ZNF552: variants seen among roughly 807,000 people sequenced by gnomAD.
ZNF552 encodes zinc finger protein 552.
Under a neutral mutation model 7.2 loss-of-function variants are expected in ZNF552, and 2 were observed. The ratio of observed to expected loss-of-function variants is 0.28; its 90% CI spans 0.11 to 0.88. The LOEUF (loss-of-function observed/expected upper bound fraction) is 0.88. Among genes scored for constraint, ZNF552 ranks in the 40% least tolerant of loss-of-function variants. ZNF552 has a pLI of 0.60. For missense variants in ZNF552, 421 were observed against 493.4 expected, an observed-to-expected ratio of 0.85 and a Z score of 1.39; for synonymous variants, 173 against 176.5, an observed-to-expected ratio of 0.98 and a Z score of 0.16.
At chr19:57,814,558 C>T in intron 1 of ZNF552, 153 bp downstream of exon 1, 1 of 1,548,208 alleles carries the variant, frequency 6.5e-7, no homozygotes, top group South Asian at 1.2e-5. Context: ...CCGCATCCCA[C>T]GGGTGTCTGA....
chr19:57,813,213 A>G, intron 2 of ZNF552, 81 bp downstream of exon 2: 1 of 1,590,644 alleles, frequency 6.3e-7, no homozygotes, highest in Non-Finnish European at 8.6e-7. Flanking sequence ...TGCTCCTGAC[A>G]TGAGAAAGTC....
intron 2 of ZNF552, among the ~76,000 whole-genome samples, chr19:57,811,138 G>C (rs1344015568): frequency 6.6e-6 from 1 of 151,488 alleles, no homozygotes; most frequent in Admixed American, 6.6e-5. Context: ...TATGCTGAGC[G>C]CCAGTCCCCT....
intron 2 of ZNF552, among the ~76,000 whole-genome samples, chr19:57,812,667 C>T (rs1384080552): frequency 6.6e-6 from 1 of 152,206 alleles, no homozygotes; most frequent in Non-Finnish European, 1.5e-5. Flanking sequence ...CTCCTGGGTT[C>T]AAGCTATCCT....
rs1049280475 is a variant in ZNF552 at position 57,807,317 on chromosome 19, G to C, written c.*723C>G. On this transcript the variant is annotated 3_prime_UTR_variant, in exon 3 of 3. Coordinates refer to ENST00000391701, the MANE Select transcript of ZNF552 (RefSeq NM_024762.3). ...CTCACGCCTGCAATCCCAACACTTT[G>C]AGAGGCCAAGGCGGGCAGATCACGA... The C allele has an allele frequency of 1.3e-5, 2 of 152,212 alleles. No individual in the cohort carries two copies. Among genetic ancestry groups the C allele is most frequent in the African/African-American group, 4.8e-5 (2 of 41,440 alleles). 9.4% of individuals were successfully genotyped at this position (152,212 alleles called of 1,614,324 possible). A position where few individuals can be genotyped will look rare whatever the true frequency, so the allele number is the denominator to read the frequency against.
intron 1 of ZNF552, 126 bp downstream of exon 1, chr19:57,814,585 G>A (rs754971215): frequency 1.9e-5 from 30 of 1,573,450 alleles, no homozygotes; most frequent in Admixed American, 3.8e-5. Flanking sequence ...GATCCCTCCC[G>A]AGAGCGCCTC....
chr19:57,809,798 A>AT (rs1987819620), intron 2 of ZNF552, among the ~76,000 whole-genome samples: 1 of 152,184 alleles, frequency 6.6e-6, no homozygotes, highest in African/African-American at 2.4e-5. Context: ...CCTGGGAAAC[A>AT]TGGTGAGACC....
chr19:57,813,734 C>CTTTTTT (rs528034833), intron 1 of ZNF552, among the ~76,000 whole-genome samples: 4 of 86,300 alleles, frequency 4.6e-5, no homozygotes, highest in Non-Finnish European at 8.2e-5. Context: ...GCACCTCATT[C>CTTTTTT]TTTTTTTTTT....
chr19:57,813,731 ATTCT>A lies in ZNF552; in HGVS notation c.34-315_34-312del, dbSNP rs1325372601. 8.9e-4 allele frequency among the ~76,000 whole-genome samples: 104 copies of A among 116,742 alleles called. 1 individual carries two copies. In the Middle Eastern group the frequency reaches 0.019, roughly 21 times the overall value. The allele number at this position is 116,742 out of a possible 152,430, so 76.6% of individuals were successfully genotyped here. ...GAGATACCCTCTCTGAACGCACCTCATTCTTTTTTTTTTTTTTTTTTTTTTTTTT... is the reference window on the plus strand; with the variant it reads ...GAGATACCCTCTCTGAACGCACCTCATTTTTTTTTTTTTTTTTTTTTTTTT... On this transcript the variant is annotated intron_variant, in intron 1 of 2. Coordinates refer to ENST00000391701, the MANE Select transcript of ZNF552 (RefSeq NM_024762.3).
chr19:57,808,010 C>T lies in ZNF552; in HGVS notation c.*30G>A. The T allele has an allele frequency of 7.7e-6, 12 of 1,561,258 alleles. No individual in the cohort carries two copies. The South Asian group carries it at 1.3e-4, about 18-fold the overall frequency. ...GGATCTTACTCAGGTGTGTATTCTC[C>T]AATATTTAATGAGACTGGACTCACT... On this transcript the variant is annotated 3_prime_UTR_variant, in exon 3 of 3. Coordinates refer to ENST00000391701, the MANE Select transcript of ZNF552 (RefSeq NM_024762.3).
chr19:57,814,617 G>C, intron 1 of ZNF552, 94 bp downstream of exon 1: 1 of 1,605,154 alleles, frequency 6.2e-7, no homozygotes, highest in Non-Finnish European at 8.5e-7. Context: ...GCCGGGTCCG[G>C]GTTGCAGAGC....
At chr19:57,811,116 AG>A (rs1187086610) in intron 2 of ZNF552, among the ~76,000 whole-genome samples, 1 of 151,810 alleles carries the variant, frequency 6.6e-6, no homozygotes, top group Non-Finnish European at 1.5e-5. Context: ...GGGGGAAGGC[AG>A]GGTTCCTCCG....
Position 57,814,724 on chromosome 19 carries a change from C to T in ZNF552, c.20G>A (p.Arg7Lys). 1 of 1,613,992 alleles carries T rather than the reference C, an allele frequency of 6.2e-7. No homozygotes were observed. The highest frequency in any genetic ancestry group is 8.5e-7 in the Non-Finnish European group (1 of 1,179,992). ...CGCCACAATTACCTGAACGGGGAAC[C>T]TTAGCGCGGCCGCCGCCATGGGACC... MAAAAL[R>K]FPVQGTVTFE... is the part of the protein sequence containing the mutation. Residue 7 changes from arginine (R) to lysine (K), a missense_variant, in exon 1 of 3, where the codon AGG becomes AAG. Physicochemically the swap from Arg to Lys is conservative, Grantham distance 26 (BLOSUM62 2). Transcript: ENST00000391701.
chr19:57,808,165 G>T lies in ZNF552; in HGVS notation c.1099C>A (p.Leu367Ile), dbSNP rs765293694. 3.1e-6 allele frequency: 5 copies of T among 1,614,012 alleles called. No individual in the cohort carries two copies. Among genetic ancestry groups the T allele is most frequent in the Non-Finnish European group, 4.2e-6 (5 of 1,180,034 alleles). ...CGKSFAESSS[L>I]TKHRRVHTGE... ...GTGTGAACTCTCCTGTGTTTAGTGA[G>T]ACTGGAGCTTTCGGCAAAAGATTTC... Residue 367 changes from leucine to isoleucine, a missense_variant, in exon 3 of 3, where the codon CTC becomes ATC. Leu to Ile is a conservative substitution (Grantham distance 5). This residue lies in a region of ZNF552 where 299 missense variants were observed against 293.7 expected (regional missense o/e 1.02). Transcript: ENST00000391701.
Position 57,814,788 on chromosome 19 carries a change from A to G in ZNF552, c.-45T>C. 1 of 1,599,264 alleles carries G rather than the reference A, an allele frequency of 6.3e-7. No homozygotes were observed. Among genetic ancestry groups the G allele is most frequent in the African/African-American group, 1.3e-5 (1 of 74,562 alleles). ...TGGGTTGAGAGCAGCGGGCGCCGTT[A>G]AAGAGCTGCAGAGTCACGTCTGTGC... On this transcript the variant is annotated 5_prime_UTR_variant, in exon 1 of 3. Coordinates refer to ENST00000391701, the MANE Select transcript of ZNF552 (RefSeq NM_024762.3).
In ZNF552 at chr19:57,814,816, A is replaced by T; in HGVS notation, c.-73T>A. The T allele has an allele frequency of 2.1e-6, 3 of 1,461,820 alleles. No homozygotes were observed. Among genetic ancestry groups the T allele is most frequent in the Non-Finnish European group, 2.8e-6 (3 of 1,061,846 alleles). The allele number at this position is 1,461,820 out of a possible 1,614,324, so 90.6% of individuals were successfully genotyped here. A position where few individuals can be genotyped will look rare whatever the true frequency, so the allele number is the denominator to read the frequency against. ...GAGCTGCAGAGTCACGTCTGTGCAA[A>T]GAGAAGAACGACTCTCGACCTCCTG... is the stretch of plus-strand genomic sequence containing the variant. On this transcript the variant is annotated 5_prime_UTR_variant, in exon 1 of 3. Transcript: ENST00000391701.
At position 57,808,017 on chromosome 19, in the gene ZNF552, T is replaced by A; in HGVS notation, c.*23A>T. On this transcript the variant is annotated 3_prime_UTR_variant, in exon 3 of 3. Transcript: ENST00000391701. Reference sequence around the variant, plus strand: ...ACTCAGGTGTGTATTCTCCAATATTTAATGAGACTGGACTCACTGCACTCA... The same window carrying A: ...ACTCAGGTGTGTATTCTCCAATATTAAATGAGACTGGACTCACTGCACTCA... 1.3e-6 allele frequency: 2 copies of A among 1,568,600 alleles called. No individual in the cohort carries two copies. Among genetic ancestry groups the A allele is most frequent in the Non-Finnish European group, 1.7e-6 (2 of 1,158,956 alleles).
At chr19:57,809,164 C>A in intron 2 of ZNF552, 61 bp from the exon 3 acceptor site, 1 of 1,594,988 alleles carries the variant, frequency 6.3e-7, no homozygotes, top group Non-Finnish European at 8.5e-7. Context: ...CACAGACCAC[C>A]CACAAGTGTA....
In ZNF552 at chr19:57,808,098, A is replaced by T. The variant is rs576234336; in HGVS notation, c.1166T>A (p.Phe389Tyr). Residue 389 changes from phenylalanine (F) to tyrosine (Y), a missense_variant, in exon 3 of 3, where the codon TTT becomes TAT. By Grantham distance (22) the Phe-to-Tyr change is conservative. Coordinates refer to ENST00000391701, the MANE Select transcript of ZNF552 (RefSeq NM_024762.3). ...ATGACGAAGTGAAGAGATTTGCCTA[A>T]ATTTTTTTTCACATTCACTGCACCC... ...PYGCSECEKK[F>Y]RQISSLRHHQ... 2.2e-5 allele frequency: 35 copies of T among 1,613,982 alleles called. 1 individual carries two copies. The South Asian group carries it at 3.7e-4, about 17-fold the overall frequency.
intron 1 of ZNF552, chr19:57,814,472 C>T: frequency 6.5e-7 from 1 of 1,528,084 alleles, no homozygotes. Context: ...CCTGTGGACC[C>T]CAGGTTCCAT....
Sources: allele counts gnomAD v4.1 joint callset (sites outside exome capture counted in the v4.1 genomes callset), GRCh38; gene constraint gnomAD v4.1.1; regional missense constraint gnomAD v4.1.1; transcripts MANE v1.5; gene names NCBI Gene and HGNC (gene_info 2026-07-23, HGNC 2026-07-21).